Variants in SLMAP observed in about 807,000 individuals in gnomAD.
SLMAP encodes the protein sarcolemma associated protein.
In SLMAP, 44 loss-of-function variants were observed where a neutral mutation model predicts 128.8. The observed-to-expected ratio is 0.34, with a 90% CI of 0.27 to 0.44. The LOEUF is 0.44. Among genes scored for constraint, SLMAP ranks in the 20% least tolerant of loss-of-function variants. The pLI is 1.00. For missense variants in SLMAP, 787 were observed against 985.3 expected, an observed-to-expected ratio of 0.80 and a Z score of 2.69; for synonymous variants, 327 against 348.8, an observed-to-expected ratio of 0.94 and a Z score of 0.70.
chr3:57,768,157 G>C (rs2080107340), intron 2 of SLMAP, among the ~76,000 whole-genome samples: 2 of 152,186 alleles, frequency 1.3e-5, no homozygotes, highest in Admixed American at 1.3e-4. Flanking sequence ...AAGAAAAGAA[G>C]GAAAGCTTAT....
At position 57,818,517 on chromosome 3, in the gene SLMAP, A is replaced by G. The variant is rs554776661; in HGVS notation, c.199-12866A>G. Among the ~76,000 whole-genome samples, 10 of 152,348 alleles carry G rather than the reference A, an allele frequency of 6.6e-5. No individual in the cohort carries two copies. In the South Asian group the frequency reaches 2.1e-3, roughly 32 times the overall value. On this transcript the variant is annotated intron_variant, in intron 2 of 24. Coordinates refer to ENST00000671191, the MANE Select transcript of SLMAP (RefSeq NM_001377540.1). ...ATAACATCTGCCTCATGAGAGTGTT[A>G]TATAGATTAAGTGAAAAAATGCATG...
chr3:57,776,676 G>A (rs557206855), intron 2 of SLMAP, among the ~76,000 whole-genome samples: 8 of 151,828 alleles, frequency 5.3e-5, no homozygotes, highest in Non-Finnish European at 8.8e-5. Flanking sequence ...ACAGGTGGGT[G>A]CCACCACTCC....
chr3:57,864,880 A>G (rs2095250834), intron 12 of SLMAP, 23 bp downstream of exon 12: 14 of 1,531,848 alleles, frequency 9.1e-6, no homozygotes, highest in Non-Finnish European at 1.2e-5. Context: ...CATATTTCTT[A>G]CTTAAACCTG....
At chr3:57,812,458 C>T (rs573528667) in intron 2 of SLMAP, among the ~76,000 whole-genome samples, 5 of 152,138 alleles carry the variant, frequency 3.3e-5, no homozygotes, top group South Asian at 2.1e-4. Flanking sequence ...GTCTGTATGC[C>T]GGTACCATAC....
intron 8 of SLMAP, among the ~76,000 whole-genome samples, chr3:57,860,442 T>G (rs1484552083): frequency 6.6e-6 from 1 of 152,194 alleles, no homozygotes; most frequent in East Asian, 1.9e-4. Flanking sequence ...GTAACTAATT[T>G]TGTATATTTT....
chr3:57,866,890 A>G (rs1005017254), intron 13 of SLMAP, among the ~76,000 whole-genome samples: 3 of 151,814 alleles, frequency 2.0e-5, no homozygotes, highest in African/African-American at 4.8e-5. Context: ...AAAAAAAATC[A>G]TGTCCGGGGC....
At chr3:57,773,056 G>A (rs573182936) in intron 2 of SLMAP, among the ~76,000 whole-genome samples, 2 of 152,290 alleles carry the variant, frequency 1.3e-5, no homozygotes, top group East Asian at 1.9e-4. Context: ...AAACGACAGC[G>A]TGTGTCATTT....
At chr3:57,759,611 A>AT (rs1176100973) in intron 2 of SLMAP, among the ~76,000 whole-genome samples, 1 of 152,056 alleles carries the variant, frequency 6.6e-6, no homozygotes, top group African/African-American at 2.4e-5. Context: ...CATAGAACTC[A>AT]TTTTTCCAGC....
intron 2 of SLMAP, among the ~76,000 whole-genome samples, chr3:57,771,675 C>T (rs568225722): frequency 6.6e-6 from 1 of 152,290 alleles, no homozygotes; most frequent in Non-Finnish European, 1.5e-5. Context: ...ATAGGCATGA[C>T]CCACTGTACT....
chr3:57,817,924 T>C (rs892639615), intron 2 of SLMAP, among the ~76,000 whole-genome samples: 28 of 152,366 alleles, frequency 1.8e-4, no homozygotes, highest in African/African-American at 6.3e-4. Context: ...CTTACCATTG[T>C]GACTATAGAT....
At chr3:57,825,082 TTG>T (rs1386093782) in intron 2 of SLMAP, among the ~76,000 whole-genome samples, 1 of 152,220 alleles carries the variant, frequency 6.6e-6, no homozygotes, top group Admixed American at 6.5e-5. Flanking sequence ...ACACTGTTTT[TTG>T]TGTGTTAACC....
intron 2 of SLMAP, among the ~76,000 whole-genome samples, chr3:57,789,662 C>T (rs1326974350): frequency 6.6e-6 from 1 of 152,042 alleles, no homozygotes; most frequent in Non-Finnish European, 1.5e-5. Context: ...GAATCTTTGT[C>T]AACATGAGTC....
chr3:57,918,085 A>G (rs1341365174), intron 22 of SLMAP: 4 of 152,040 alleles, frequency 2.6e-5, no homozygotes, highest in Non-Finnish European at 5.9e-5. Flanking sequence ...AACATTTTTT[A>G]TTTTCTTGCG....
At chr3:57,869,630 T>TTATATATATATATATAATA (rs2095421871) in intron 13 of SLMAP, among the ~76,000 whole-genome samples, 4 of 75,466 alleles carry the variant, frequency 5.3e-5, no homozygotes, top group African/African-American at 1.0e-4. Flanking sequence ...CCCATCTCTA[T>TTATATATATATATATAATA]TATATATATA....
At chr3:57,830,293 C>T (rs886730057) in intron 2 of SLMAP, among the ~76,000 whole-genome samples, 1 of 152,210 alleles carries the variant, frequency 6.6e-6, no homozygotes, top group African/African-American at 2.4e-5. Flanking sequence ...CAGGCGTGAG[C>T]CACCACACCT....
intron 15 of SLMAP, among the ~76,000 whole-genome samples, chr3:57,891,399 T>C (rs1560438635): frequency 6.6e-6 from 1 of 152,210 alleles, no homozygotes; most frequent in Non-Finnish European, 1.5e-5. Context: ...ATTTTCAGGA[T>C]ATGTTTTATA....
intron 6 of SLMAP, among the ~76,000 whole-genome samples, chr3:57,854,209 G>A (rs1008644761): frequency 6.7e-6 from 1 of 150,274 alleles, no homozygotes; most frequent in Non-Finnish European, 1.5e-5. Context: ...ACCTATTTTG[G>A]TATATTAATT....
chr3:57,807,188 C>T (rs1247609970), intron 2 of SLMAP, among the ~76,000 whole-genome samples: 1 of 152,158 alleles, frequency 6.6e-6, no homozygotes, highest in African/African-American at 2.4e-5. Context: ...CTGTTCATAT[C>T]CTTTGCCTGC....
In SLMAP at chr3:57,846,118, G is replaced by GCC. The variant is rs1173515403; in HGVS notation, c.420-1079_420-1078insCC. On this transcript the variant is annotated intron_variant, in intron 4 of 24. Coordinates refer to ENST00000671191, the MANE Select transcript of SLMAP (RefSeq NM_001377540.1). Reference sequence around the variant, plus strand: ...GCCTCCCAAAGTCCTGGGATTACAGGTGTGAGCCACTGTGCCTGACTCGAT... The same window carrying GCC: ...GCCTCCCAAAGTCCTGGGATTACAGGCCTGTGAGCCACTGTGCCTGACTCGAT... Among the ~76,000 whole-genome samples, 67 of 152,318 alleles carry GCC rather than the reference G, an allele frequency of 4.4e-4. 1 individual carries two copies. Among genetic ancestry groups the GCC allele is most frequent in the African/African-American group, 1.5e-3 (61 of 41,570 alleles).
Sources: allele counts gnomAD v4.1 joint callset (sites outside exome capture counted in the v4.1 genomes callset), GRCh38; gene constraint gnomAD v4.1.1; transcripts MANE v1.5; gene names NCBI Gene and HGNC (gene_info 2026-07-23, HGNC 2026-07-21).